Variants in GALNT13 observed in about 807,000 individuals in gnomAD.
The protein encoded by GALNT13 is UDP-GalNAc:polypeptide N-acetylgalactosaminyltransferase 13.
Under a neutral mutation model 64.2 loss-of-function variants are expected in GALNT13, and 28 were observed. That is an observed-to-expected ratio of 0.44 (90% CI 0.32 to 0.60). The LOEUF (loss-of-function observed/expected upper bound fraction) is 0.60. Ranked by LOEUF, GALNT13 falls within the 20% of genes least tolerant of loss-of-function variation. GALNT13 has a pLI of 0.05. For synonymous variants in GALNT13, 214 were observed against 224.6 expected, an observed-to-expected ratio of 0.95 and a Z score of 0.42; for missense variants, 577 against 669.8, an observed-to-expected ratio of 0.86 and a Z score of 1.53.
At chr2:153,195,065 T>C in the GALNT13 span, among the ~76,000 whole-genome samples, 3 of 152,290 alleles carry the variant, frequency 2.0e-5, no homozygotes, top group African/African-American at 7.2e-5. Context: ...TTTAGGCAGA[T>C]TTCTTGGCTG....
At chr2:154,259,982 G>A (rs988624064) in intron 8 of GALNT13, among the ~76,000 whole-genome samples, 5 of 151,990 alleles carry the variant, frequency 3.3e-5, no homozygotes, top group Non-Finnish European at 4.4e-5. Flanking sequence ...TCCAGGGCTC[G>A]GGTGATCCTC....
the GALNT13 span, among the ~76,000 whole-genome samples, chr2:153,610,449 C>A: frequency 6.6e-6 from 1 of 152,116 alleles, no homozygotes; most frequent in East Asian, 1.9e-4. Flanking sequence ...CCAAGGTGGG[C>A]GGATCACCTG....
chr2:153,466,799 A>T, the GALNT13 span, among the ~76,000 whole-genome samples: 1 of 152,082 alleles, frequency 6.6e-6, no homozygotes, highest in Non-Finnish European at 1.5e-5. Context: ...TATTAAAATC[A>T]GACCAATACT....
the GALNT13 span, among the ~76,000 whole-genome samples, chr2:153,273,277 T>A: frequency 1.3e-5 from 2 of 152,088 alleles, no homozygotes; most frequent in Admixed American, 1.3e-4. Flanking sequence ...TAAAGTATAA[T>A]TTTTTTAAAA....
the GALNT13 span, among the ~76,000 whole-genome samples, chr2:153,593,866 G>T: frequency 3.3e-5 from 5 of 152,186 alleles, no homozygotes; most frequent in East Asian, 9.7e-4. Flanking sequence ...TGGCCTTTCT[G>T]CTTCTTTGAA....
intron 3 of GALNT13, among the ~76,000 whole-genome samples, chr2:154,135,347 G>A (rs1012904786): frequency 6.6e-5 from 10 of 152,078 alleles, no homozygotes; most frequent in African/African-American, 2.4e-4. Context: ...CTACCTTATT[G>A]ATTATCTAAT....
At chr2:153,407,444 A>T in the GALNT13 span, among the ~76,000 whole-genome samples, 1 of 152,228 alleles carries the variant, frequency 6.6e-6, no homozygotes, top group Non-Finnish European at 1.5e-5. Flanking sequence ...ATTTTTGGCC[A>T]GGCAGGAAAT....
the GALNT13 span, among the ~76,000 whole-genome samples, chr2:153,806,967 C>T: frequency 6.6e-6 from 1 of 151,700 alleles, no homozygotes; most frequent in Non-Finnish European, 1.5e-5. Context: ...AAGTTAAGAG[C>T]ATAATTACTT....
chr2:153,947,986 G>A (rs1043896336), intron 3 of GALNT13, among the ~76,000 whole-genome samples: 2 of 152,048 alleles, frequency 1.3e-5, no homozygotes, highest in African/African-American at 4.8e-5. Context: ...AGATCAGATA[G>A]TTGTAGGTGT....
At chr2:154,397,397 C>T (rs1432891811) in intron 10 of GALNT13, among the ~76,000 whole-genome samples, 7 of 152,122 alleles carry the variant, frequency 4.6e-5, no homozygotes, top group Admixed American at 4.6e-4. Flanking sequence ...CGAGATCGCG[C>T]CATTGCACTC....
chr2:153,158,838 A>G, the GALNT13 span: 1 of 152,360 alleles, frequency 6.6e-6, no homozygotes, highest in South Asian at 2.1e-4. Context: ...CTGAGACAGA[A>G]TGATGTTCTT....
At chr2:153,080,204 A>T in the GALNT13 span, among the ~76,000 whole-genome samples, 1 of 152,030 alleles carries the variant, frequency 6.6e-6, no homozygotes, top group Non-Finnish European at 1.5e-5. Flanking sequence ...ATTTTTTTCT[A>T]AAAAATTATT....
chr2:153,817,708 G>C, the GALNT13 span, among the ~76,000 whole-genome samples: 1 of 152,050 alleles, frequency 6.6e-6, no homozygotes, highest in Non-Finnish European at 1.5e-5. Flanking sequence ...TTCTTAACAT[G>C]CTTTAACGAG....
intron 3 of GALNT13, among the ~76,000 whole-genome samples, chr2:154,136,130 T>C (rs1466035065): frequency 6.6e-6 from 1 of 152,082 alleles, no homozygotes; most frequent in Non-Finnish European, 1.5e-5. Context: ...AATTGTAAAA[T>C]TGAAAGTAAT....
the GALNT13 span, among the ~76,000 whole-genome samples, chr2:153,591,893 C>T: frequency 6.6e-6 from 1 of 151,960 alleles, no homozygotes; most frequent in African/African-American, 2.4e-5. Context: ...AATAGATAAC[C>T]TGCAGAATGA....
the GALNT13 span, among the ~76,000 whole-genome samples, chr2:153,402,066 C>T: frequency 3.1e-4 from 45 of 145,416 alleles, no homozygotes; most frequent in Non-Finnish European, 5.7e-4. Flanking sequence ...CGGCTGGTAC[C>T]GGTTGTTCCT....
At chr2:153,248,802 C>T in the GALNT13 span, among the ~76,000 whole-genome samples, 5 of 118,310 alleles carry the variant, frequency 4.2e-5, no homozygotes, top group Admixed American at 1.1e-4. Flanking sequence ...GGCGACTGAG[C>T]GAGACTCTGT....
intron 3 of GALNT13, among the ~76,000 whole-genome samples, chr2:154,043,411 C>T (rs1199164209): frequency 1.9e-4 from 14 of 73,254 alleles, no homozygotes; most frequent in African/African-American, 2.7e-4. Context: ...ACTATAAGGA[C>T]TTTTATATAT....
intron 3 of GALNT13, among the ~76,000 whole-genome samples, chr2:154,133,540 A>G (rs1438824995): frequency 7.9e-5 from 1 of 12,712 alleles, no homozygotes; most frequent in East Asian, 8.8e-4. Flanking sequence ...CATTTTATAT[A>G]TATATATATA....
Sources: gnomAD v4.1 joint callset for allele counts (sites outside exome capture counted in the v4.1 genomes callset) on GRCh38, gnomAD v4.1.1 for gene constraint, MANE v1.5 for transcripts, NCBI Gene and HGNC (gene_info 2026-07-23, HGNC 2026-07-21) for gene names.